CNGA4: variants seen among roughly 807,000 people sequenced by gnomAD.
CNGA4 encodes the protein cyclic nucleotide gated channel subunit alpha 4, also known as cyclic nucleotide-gated channel alpha-4.
Under a neutral mutation model 45.6 loss-of-function variants are expected in CNGA4, and 32 were observed. The ratio of observed to expected loss-of-function variants is 0.70; its 90% CI spans 0.53 to 0.94. The LOEUF (loss-of-function observed/expected upper bound fraction) is 0.94. CNGA4 is among the 40% of genes least tolerant of loss of function. The pLI is 0.00. For missense variants in CNGA4, 726 were observed against 755.1 expected, an observed-to-expected ratio of 0.96 and a Z score of 0.45; for synonymous variants, 293 against 304.6, an observed-to-expected ratio of 0.96 and a Z score of 0.40.
chr11:6,243,135 T>C (rs1300624221), intron 5 of CNGA4, among the ~76,000 whole-genome samples: 1 of 152,188 alleles, frequency 6.6e-6, no homozygotes, highest in African/African-American at 2.4e-5. Context: ...CTGGCTAGAT[T>C]GCCCTATCCC....
chr11:6,239,693 C>G lies in CNGA4; in HGVS notation c.174C>G (p.Phe58Leu). 6.2e-7 allele frequency: 1 copy of G among 1,614,038 alleles called. No individual in the cohort carries two copies. Among genetic ancestry groups the G allele is most frequent in the Non-Finnish European group, 8.5e-7 (1 of 1,179,956 alleles). Residue 58 changes from phenylalanine (F) to leucine (L), a missense_variant, in exon 3 of 6, where the codon TTC becomes TTG. Physicochemically the swap from Phe to Leu is conservative, Grantham distance 22 (BLOSUM62 0). Transcript: ENST00000379936. The part of the protein sequence containing the change: ...NLIILVCRAC[F>L]PDLQHGYLVA... The stretch of plus-strand genomic sequence containing the variant: ...TAACCCTGCCCTGCAGAGCCTGCTT[C>G]CCCGACTTGCAGCACGGTTATCTGG...
intron 4 of CNGA4, 70 bp from the exon 5 acceptor site, chr11:6,241,361 G>T: frequency 8.0e-7 from 1 of 1,255,732 alleles, no homozygotes; most frequent in Non-Finnish European, 1.1e-6. Context: ...GCTGAGCTGA[G>T]CCCTGAAGGA....
chr11:6,239,042 G>T, upstream of CNGA4: 1 of 1,480,210 alleles, frequency 6.8e-7, no homozygotes, highest in Non-Finnish European at 8.9e-7. Flanking sequence ...CTTCAGTAGC[G>T]CTAGCTCTGG....
At chr11:6,238,764 A>G (rs1268134717), upstream of CNGA4, among the ~76,000 whole-genome samples, 4 of 152,228 alleles carry the variant, frequency 2.6e-5, no homozygotes, top group African/African-American at 9.7e-5. Flanking sequence ...TAAATAAATA[A>G]ATAGTGAGGC....
At chr11:6,238,184 G>A (rs1488600488), upstream of CNGA4, among the ~76,000 whole-genome samples, 1 of 152,196 alleles carries the variant, frequency 6.6e-6, no homozygotes, top group Non-Finnish European at 1.5e-5. Flanking sequence ...TCAGCAGCCT[G>A]GCAATGACTG....
At position 6,239,729 on chromosome 11, in the gene CNGA4, G is replaced by A. The variant is rs1184386475; in HGVS notation, c.210G>A (p.Leu70=). 4.3e-6 allele frequency: 7 copies of A among 1,614,164 alleles called. No individual in the cohort carries two copies. In the South Asian group the frequency reaches 7.7e-5, roughly 18 times the overall value. ...DLQHGYLVAW[L]VLDYTSDLLY... ...AGCACGGTTATCTGGTGGCCTGGTT[G>A]GTGCTGGACTACACGAGTGACCTGC... The change falls in exon 3 of 6, where the codon TTG becomes TTA. Residue 70 remains leucine (L), a synonymous_variant. Transcript: ENST00000379936.
chr11:6,238,697 T>G (rs116438687), upstream of CNGA4, among the ~76,000 whole-genome samples: 657 of 151,628 alleles, frequency 4.3e-3, 6 homozygotes, highest in African/African-American at 0.015. Flanking sequence ...AGGCATCTCT[T>G]TGTCCCTGGA....
intron 5 of CNGA4, among the ~76,000 whole-genome samples, chr11:6,242,827 A>G (rs1013356325): frequency 2.0e-5 from 3 of 152,132 alleles, no homozygotes; most frequent in East Asian, 3.9e-4. Context: ...AGGTCCTTCT[A>G]GCTCTAAGAC....
upstream of CNGA4, among the ~76,000 whole-genome samples, chr11:6,237,323 G>A (rs901341808): frequency 1.3e-5 from 2 of 152,148 alleles, no homozygotes; most frequent in Admixed American, 6.5e-5. Flanking sequence ...AGGAATTCTA[G>A]AAGAAAAAGT....
At chr11:6,241,838 A>G in intron 5 of CNGA4, 58 bp downstream of exon 5, 1 of 1,496,310 alleles carries the variant, frequency 6.7e-7, no homozygotes, top group Non-Finnish European at 9.3e-7. Flanking sequence ...GGGGAACAGC[A>G]GAGCCCAGTG....
At chr11:6,243,536 T>C (rs1224113482) in intron 5 of CNGA4, among the ~76,000 whole-genome samples, 5 of 152,104 alleles carry the variant, frequency 3.3e-5, no homozygotes, top group Non-Finnish European at 5.9e-5. Context: ...ACCCCCAACA[T>C]TGGGGATTAC....
chr11:6,238,848 C>T (rs1847869301), upstream of CNGA4, among the ~76,000 whole-genome samples: 1 of 152,210 alleles, frequency 6.6e-6, no homozygotes, highest in South Asian at 2.1e-4. Context: ...ACCCAGAGGA[C>T]ACCTATGTAG....
At chr11:6,241,305 C>T (rs1847914842) in intron 4 of CNGA4, 126 bp from the exon 5 acceptor site, 1 of 746,046 alleles carries the variant, frequency 1.3e-6, no homozygotes, top group African/African-American at 1.8e-5. Context: ...GTCAGGTACT[C>T]CCATGACCCC....
rs1042878391 is a variant in CNGA4 at position 6,240,569 on chromosome 11, G to A, written c.775G>A (p.Ala259Thr). The A allele has an allele frequency of 1.9e-6, 3 of 1,614,204 alleles. No homozygotes were observed. Among genetic ancestry groups the A allele is most frequent in the South Asian group, 1.1e-5 (1 of 91,084 alleles). The change falls in exon 4 of 6, where the codon GCC (alanine) becomes ACC (threonine). Residue 259 changes from alanine to threonine, a missense_variant. Coordinates refer to ENST00000379936, the MANE Select transcript of CNGA4 (RefSeq NM_001037329.4). This position sits in a 1 kb window ranked among gnomAD's most constrained non-coding sequence, Gnocchi z 4.9. Reference protein sequence around the residue: ...GDFLLAVMGFATIMGSMSSVI... With the variant: ...GDFLLAVMGFTTIMGSMSSVI... ...CTTCCTGCTGGCCGTCATGGGTTTC[G>A]CCACCATCATGGGTAGCATGAGCTC...
Position 6,240,719 on chromosome 11 carries a change from G to A in CNGA4, c.917+8G>A. On this transcript the variant is annotated splice_region_variant and intron_variant, in intron 4 of 5. Coordinates refer to ENST00000379936, the MANE Select transcript of CNGA4 (RefSeq NM_001037329.4). This position sits in a 1 kb window ranked among gnomAD's most constrained non-coding sequence, Gnocchi z 4.9. ...GCGGCGAGTTATTGACTGGTGAGAA[G>A]GCGGGGTTCCAGACCAGGACAGGGA... 4 of 1,609,420 alleles carry A rather than the reference G, an allele frequency of 2.5e-6. No individual in the cohort carries two copies. The highest frequency in any genetic ancestry group is 1.3e-5 in the African/African-American group (1 of 74,962).
Position 6,244,245 on chromosome 11 carries a change from G to A in CNGA4, c.1564G>A (p.Ala522Thr), listed in dbSNP as rs149747380. The change falls in exon 6 of 6, where the codon GCA becomes ACA. Residue 522 changes from alanine (A) to threonine (T), a missense_variant. Coordinates refer to ENST00000379936, the MANE Select transcript of CNGA4 (RefSeq NM_001037329.4). This position sits in a 1 kb window ranked among gnomAD's most constrained non-coding sequence, Gnocchi z 4.5. ...CCTCCTGGCTGAGCTGGAGTCCAGC[G>A]CACTTAAGATTGCTTACCGCATTGA... is the stretch of plus-strand genomic sequence containing the variant. ...ARLLAELESSALKIAYRIERL... is the reference protein window; with the variant it reads ...ARLLAELESSTLKIAYRIERL... The A allele has an allele frequency of 1.4e-5, 22 of 1,614,164 alleles. No homozygotes were observed. The highest frequency in any genetic ancestry group is 4.4e-5 in the South Asian group (4 of 91,090).
upstream of CNGA4, among the ~76,000 whole-genome samples, chr11:6,238,143 C>T (rs1847861268): frequency 6.6e-6 from 1 of 152,228 alleles, no homozygotes; most frequent in African/African-American, 2.4e-5. Flanking sequence ...ACTATAATAG[C>T]CTTCCGTGTA....
chr11:6,239,255 C>T lies in CNGA4; in HGVS notation c.49C>T (p.Pro17Ser), dbSNP rs767349046. 14 of 1,614,052 alleles carry T rather than the reference C, an allele frequency of 8.7e-6. No homozygotes were observed. The Admixed American group carries it at 2.2e-4, about 25-fold the overall frequency. The change falls in exon 1 of 6, where the codon CCA becomes TCA. Residue 17 changes from proline to serine, a missense_variant. Transcript: ENST00000379936. ...VKTTESSPPA[P>S]SKARKLLPVL... ...GACAACAGAGTCCAGTCCCCCAGCC[C>T]CATCCAAGGCCAGGTGAGAAGTCCT...
At chr11:6,237,864 G>T (rs770139478), upstream of CNGA4, among the ~76,000 whole-genome samples, 1 of 152,142 alleles carries the variant, frequency 6.6e-6, no homozygotes, top group Non-Finnish European at 1.5e-5. Flanking sequence ...CTCTATTGCC[G>T]TTGGGTAAAA....
Sources: allele counts gnomAD v4.1 joint callset (sites outside exome capture counted in the v4.1 genomes callset), GRCh38; gene constraint gnomAD v4.1.1; non-coding constraint Gnocchi (gnomAD v3.1); transcripts MANE v1.5; gene names NCBI Gene and HGNC (gene_info 2026-07-23, HGNC 2026-07-21).